Variants in C1QC observed in about 807,000 individuals in gnomAD.
The protein encoded by C1QC is complement C1q C chain.
Under a neutral mutation model 5.9 loss-of-function variants are expected in C1QC, and 4 were observed. The observed-to-expected ratio is 0.68, with a 90% CI of 0.33 to 1.55. The LOEUF is 1.55. Ranked by LOEUF, C1QC falls within the 40% of genes most tolerant of loss-of-function variation. The pLI, the probability that C1QC is intolerant of heterozygous loss-of-function variation, is 0.06. For synonymous variants in C1QC, 166 were observed against 153.8 expected (o/e 1.08, Z -0.59); for missense variants, 299 against 326.9 (o/e 0.91, Z 0.66).
Position 22,644,160 on chromosome 1 carries a change from G to T in C1QC, c.137G>T (p.Gly46Val), listed in dbSNP as rs1344983097. 1 of 1,587,802 alleles carries T rather than the reference G, an allele frequency of 6.3e-7. No individual in the cohort carries two copies. The highest frequency in any genetic ancestry group is 2.3e-5 in the East Asian group (1 of 44,044). The change falls in exon 2 of 3, where the codon GGG becomes GTG. Residue 46 changes from glycine to valine, a missense_variant. Transcript: ENST00000374640. Reference sequence around the variant, plus strand: ...ATGCCCGGCCTGCCCGGGGCACCAGGGAAGGATGGGTACGACGGACTGCCG... The same window carrying T: ...ATGCCCGGCCTGCCCGGGGCACCAGTGAAGGATGGGTACGACGGACTGCCG... Reference protein sequence around the residue: ...PGMPGLPGAPGKDGYDGLPGP... With the variant: ...PGMPGLPGAPVKDGYDGLPGP...
At position 22,647,829 on chromosome 1, in the gene C1QC, G is replaced by A; in HGVS notation, c.*46G>A. The A allele has an allele frequency of 2.5e-6, 4 of 1,597,300 alleles. No homozygotes were observed. The highest frequency in any genetic ancestry group is 3.4e-6 in the Non-Finnish European group (4 of 1,179,354). On this transcript the variant is annotated 3_prime_UTR_variant, in exon 3 of 3. Coordinates refer to ENST00000374640, the MANE Select transcript of C1QC (RefSeq NM_172369.5). ...CCCCACGGGCCTTCCACCTCCCTCA[G>A]CTTCCTGCATGGACCCACCTTACTG...
Position 22,647,432 on chromosome 1 carries a change from C to T in C1QC, c.387C>T (p.His129=), listed in dbSNP as rs1642388064. ...TGTTCACGGTCACTCGGCAGACCCACCAGCCCCCTGCACCCAACAGCCTGA... is the reference window on the plus strand; with the variant it reads ...TGTTCACGGTCACTCGGCAGACCCATCAGCCCCCTGCACCCAACAGCCTGA... ...QSVFTVTRQT[H]QPPAPNSLIR... The change falls in exon 3 of 3, where the codon CAC becomes CAT. Residue 129 remains histidine, a synonymous_variant. Transcript: ENST00000374640. The T allele has an allele frequency of 1.9e-6, 3 of 1,614,036 alleles. No individual in the cohort carries two copies. In the African/African-American group the frequency reaches 4.0e-5, roughly 22 times the overall value.
chr1:22,647,354 CA>C lies in C1QC; in HGVS notation c.310del (p.Ile104SerfsTer34). ...GMPGVPGPMG[I>X]PGEPGEEGRY... The stretch of plus-strand genomic sequence containing the variant: ...TGCCAGGGGTGCCCGGCCCCATGGG[CA>C]TCCCTGGAGAGCCAGGTGAGGAGGG... On this transcript the variant is annotated frameshift_variant, in exon 3 of 3. Transcript: ENST00000374640. LOFTEE classifies it low-confidence loss of function (END_TRUNC). 1 of 1,614,056 alleles carries C rather than the reference CA, an allele frequency of 6.2e-7. No individual in the cohort carries two copies. The highest frequency in any genetic ancestry group is 8.5e-7 in the Non-Finnish European group (1 of 1,179,988).
At chr1:22,644,469 G>A (rs895775035) in intron 2 of C1QC, among the ~76,000 whole-genome samples, 1 of 152,188 alleles carries the variant, frequency 6.6e-6, no homozygotes, top group Non-Finnish European at 1.5e-5. Context: ...GAATAAGAGC[G>A]CCTGCCCCCA....
intron 1 of C1QC, 29 bp downstream of exon 1, chr1:22,643,743 G>A: frequency 7.6e-7 from 1 of 1,310,748 alleles, no homozygotes; most frequent in Non-Finnish European, 9.7e-7. Flanking sequence ...CCCAGGTATG[G>A]GCAGATGGCC....
intron 2 of C1QC, 125 bp downstream of exon 2, chr1:22,644,329 G>T (rs146873582): frequency 2.3e-6 from 3 of 1,282,304 alleles, no homozygotes; most frequent in African/African-American, 1.5e-5. Context: ...CTGCCCCAGG[G>T]CAGAGGTGGA....
chr1:22,643,707 A>C lies in C1QC; in HGVS notation c.-21A>C. The C allele has an allele frequency of 8.4e-7, 1 of 1,191,022 alleles. No individual in the cohort carries two copies. The highest frequency in any genetic ancestry group is 1.0e-6 in the Non-Finnish European group (1 of 959,968). 73.8% of individuals were successfully genotyped at this position (1,191,022 alleles called of 1,614,324 possible). A position where few individuals can be genotyped will look rare whatever the true frequency, so the allele number is the denominator to read the frequency against. ...CTCTGTGCCAGGCCAGAAACCGCCC[A>C]CCTGCAGGTGAGGCCCGGACCCCTG... is the stretch of plus-strand genomic sequence containing the variant. On this transcript the variant is annotated 5_prime_UTR_variant, in exon 1 of 3. Transcript: ENST00000374640.
chr1:22,644,826 T>C (rs1642342503), intron 2 of C1QC, among the ~76,000 whole-genome samples: 2 of 152,010 alleles, frequency 1.3e-5, no homozygotes, highest in South Asian at 2.1e-4. Flanking sequence ...CATGCTCACC[T>C]CCCTCCTTAG....
Position 22,647,674 on chromosome 1 carries a change from G to T in C1QC, c.629G>T (p.Arg210Met). ...NQVNSGGVLLRLQVGEEVWLA... is the reference protein window; with the variant it reads ...NQVNSGGVLLMLQVGEEVWLA... ...GTCAACTCGGGCGGTGTGCTGCTGA[G>T]GTTGCAGGTGGGCGAGGAGGTGTGG... The change falls in exon 3 of 3, where the codon AGG becomes ATG. Residue 210 changes from arginine (R) to methionine (M), a missense_variant. This residue lies in a region of C1QC where 144 missense variants were observed against 155.1 expected (regional missense o/e 0.93). Coordinates refer to ENST00000374640, the MANE Select transcript of C1QC (RefSeq NM_172369.5). 1 of 1,610,394 alleles carries T rather than the reference G, an allele frequency of 6.2e-7. No homozygotes were observed. The highest frequency in any genetic ancestry group is 1.3e-5 in the African/African-American group (1 of 75,056).
At chr1:22,644,482 G>T (rs1183441172) in intron 2 of C1QC, among the ~76,000 whole-genome samples, 2 of 152,214 alleles carry the variant, frequency 1.3e-5, no homozygotes, top group African/African-American at 4.8e-5. Flanking sequence ...TGCCCCCAAA[G>T]GTGGCCAGGA....
chr1:22,644,194 G>A lies in C1QC; in HGVS notation c.171G>A (p.Lys57=), dbSNP rs1231445386. ...KDGYDGLPGP[K]GEPGIPAIPG... is the part of the protein sequence containing the mutation. ...GGTACGACGGACTGCCGGGGCCCAA[G>A]GGGGAGCCAGGTGAGTCTGCTGGCC... is the stretch of plus-strand genomic sequence containing the variant. The change falls in exon 2 of 3, where the codon AAG becomes AAA. Residue 57 remains lysine (K), a synonymous_variant. Coordinates refer to ENST00000374640, the MANE Select transcript of C1QC (RefSeq NM_172369.5). 1 of 1,576,722 alleles carries A rather than the reference G, an allele frequency of 6.3e-7. No individual in the cohort carries two copies.
intron 2 of C1QC, 143 bp downstream of exon 2, chr1:22,644,347 G>C: frequency 8.6e-7 from 1 of 1,158,836 alleles, no homozygotes. Flanking sequence ...GGACTCTCAC[G>C]GTGTGTCTGG....
rs147904988 is a variant in C1QC at position 22,647,469 on chromosome 1, G to A, written c.424G>A (p.Ala142Thr). The change falls in exon 3 of 3, where the codon GCG becomes ACG. Residue 142 changes from alanine (A) to threonine (T), a missense_variant. By Grantham distance (58) the Ala-to-Thr change is moderately conservative. This residue lies in a region of C1QC where 144 missense variants were observed against 155.1 expected (regional missense o/e 0.93). Transcript: ENST00000374640. ...PAPNSLIRFNAVLTNPQGDYD... is the reference protein window; with the variant it reads ...PAPNSLIRFNTVLTNPQGDYD... ...ACCCAACAGCCTGATCAGATTCAAC[G>A]CGGTCCTCACCAACCCGCAGGGAGA... The A allele has an allele frequency of 2.0e-4, 329 of 1,614,026 alleles. No homozygotes were observed. The highest frequency in any genetic ancestry group is 2.6e-4 in the Non-Finnish European group (310 of 1,180,036).
Position 22,643,961 on chromosome 1 carries a change from T to TGGGGGCAGGTGAGGGGCTGGC in C1QC, c.-13-45_-13-25dup, listed in dbSNP as rs1642319379. ...GACGGGCCCTGGGGAATGAGAGGGTTGGGGGCAGGTGAGGGGCTGGCGGGG... is the reference window on the plus strand; with the variant it reads ...GACGGGCCCTGGGGAATGAGAGGGTTGGGGGCAGGTGAGGGGCTGGCGGGGGCAGGTGAGGGGCTGGCGGGG... On this transcript the variant is annotated intron_variant, in intron 1 of 2. Coordinates refer to ENST00000374640, the MANE Select transcript of C1QC (RefSeq NM_172369.5). The TGGGGGCAGGTGAGGGGCTGGC allele has an allele frequency of 3.9e-6, 6 of 1,553,834 alleles. No individual in the cohort carries two copies. In the South Asian group the frequency reaches 7.4e-5, roughly 19 times the overall value.
chr1:22,646,407 C>T (rs581453), intron 2 of C1QC, among the ~76,000 whole-genome samples: 77,583 of 151,750 alleles, frequency 0.51, 22,487 homozygotes, highest in African/African-American at 0.8. Flanking sequence ...CTGAAAGATG[C>T]GCTTGATTGC....
Position 22,647,602 on chromosome 1 carries a change from G to A in C1QC, c.557G>A (p.Gly186Asp). The change falls in exon 3 of 3, where the codon GGC becomes GAC. Residue 186 changes from glycine to aspartate, a missense_variant. Coordinates refer to ENST00000374640, the MANE Select transcript of C1QC (RefSeq NM_172369.5). ...CTGTGCGTGCTGCTGTACCGCAGCG[G>A]CGTCAAAGTGGTCACCTTCTGTGGC... Reference protein sequence around the residue: ...ANLCVLLYRSGVKVVTFCGHT... With the variant: ...ANLCVLLYRSDVKVVTFCGHT... The A allele has an allele frequency of 1.9e-6, 3 of 1,614,216 alleles. No individual in the cohort carries two copies. Among genetic ancestry groups the A allele is most frequent in the Admixed American group, 3.3e-5 (2 of 60,036 alleles).
intron 2 of C1QC, 25 bp downstream of exon 2, chr1:22,644,229 G>C (rs1642329407): frequency 1.3e-6 from 2 of 1,541,794 alleles, no homozygotes; most frequent in African/African-American, 1.4e-5. Context: ...CTGGTTTGGG[G>C]GTTTGGGTCT....
At chr1:22,645,510 C>T (rs879574559) in intron 2 of C1QC, among the ~76,000 whole-genome samples, 17 of 152,312 alleles carry the variant, frequency 1.1e-4, no homozygotes, top group Admixed American at 6.5e-4. Flanking sequence ...CCACATTCTC[C>T]ACCACTGCCC....
chr1:22,647,289 G>A lies in C1QC; in HGVS notation c.244G>A (p.Gly82Ser), dbSNP rs761695526. ...KGQKGEPGLP[G>S]HPGKNGPMGP... ...GCAGAAGGGAGAACCCGGCTTACCC[G>A]GCCATCCTGGGAAAAATGGCCCCAT... Residue 82 changes from glycine to serine, a missense_variant, in exon 3 of 3, where the codon GGC becomes AGC. By Grantham distance (56) the Gly-to-Ser change is moderately conservative. Around this residue, in one of 3 missense-constraint regions of C1QC, gnomAD observed 146 missense variants for 144.1 expected, o/e 1.01. Transcript: ENST00000374640. 18 of 1,613,206 alleles carry A rather than the reference G, an allele frequency of 1.1e-5. No homozygotes were observed. The highest frequency in any genetic ancestry group is 3.3e-4 in the Middle Eastern group (2 of 6,060).
Sources: gnomAD v4.1 joint callset for allele counts (sites outside exome capture counted in the v4.1 genomes callset) on GRCh38, gnomAD v4.1.1 for gene constraint, gnomAD v4.1.1 regional missense constraint, MANE v1.5 for transcripts, NCBI Gene and HGNC (gene_info 2026-07-23, HGNC 2026-07-21) for gene names.